The following MICAL3 variants were observed in gnomAD, a reference collection of about 807,000 sequenced individuals.
MICAL3 encodes microtubule associated monooxygenase, calponin and LIM domain containing 3.
A neutral mutation model predicts 207.4 loss-of-function variants in MICAL3; 62 were observed. The observed-to-expected ratio is 0.30, with a 90% CI of 0.24 to 0.37. The LOEUF (loss-of-function observed/expected upper bound fraction) is 0.37, where lower values mean the gene tolerates loss of function less well. Ranked by LOEUF, MICAL3 falls within the 10% of genes least tolerant of loss-of-function variation. The pLI is 1.00. For synonymous variants in MICAL3, 1,077 were observed against 1,069.3 expected, an observed-to-expected ratio of 1.01 and a Z score of -0.14; for missense variants, 2,368 against 2,635.6, an observed-to-expected ratio of 0.90 and a Z score of 2.22.
chr22:17,870,325 T>G (rs1485162963), intron 17 of MICAL3, among the ~76,000 whole-genome samples: 2 of 152,172 alleles, frequency 1.3e-5, no homozygotes, highest in African/African-American at 4.8e-5. Context: ...GCTCTTGAAC[T>G]TCACAGATTT....
At chr22:17,798,130 C>G (rs1294094937) in intron 29 of MICAL3, among the ~76,000 whole-genome samples, 1 of 152,250 alleles carries the variant, frequency 6.6e-6, no homozygotes, top group Non-Finnish European at 1.5e-5. Flanking sequence ...ACTAGTACCA[C>G]ACACAGAGGT....
At chr22:17,795,019 G>A (rs751886454) in intron 29 of MICAL3, among the ~76,000 whole-genome samples, 2 of 152,348 alleles carry the variant, frequency 1.3e-5, no homozygotes, top group East Asian at 1.9e-4. Flanking sequence ...CTGAGAGGCC[G>A]CTCAGCGGTG....
At chr22:17,969,509 G>C (rs1171118021) in intron 1 of MICAL3, among the ~76,000 whole-genome samples, 1 of 152,152 alleles carries the variant, frequency 6.6e-6, no homozygotes, top group African/African-American at 2.4e-5. Context: ...TTTGTTCTAG[G>C]CAAGACACAT....
intron 1 of MICAL3, among the ~76,000 whole-genome samples, chr22:18,021,761 T>C (rs397152): frequency 0.67 from 101,084 of 151,970 alleles, 34,668 homozygotes; most frequent in African/African-American, 0.84. Flanking sequence ...AGACCCTTCC[T>C]GGCCACTCCC....
intron 1 of MICAL3, among the ~76,000 whole-genome samples, chr22:17,919,061 T>G (rs1186382038): frequency 1.3e-5 from 2 of 149,040 alleles, no homozygotes; most frequent in Non-Finnish European, 3.0e-5. Context: ...CTCCAAATGT[T>G]TTTGGTTTTT....
chr22:18,018,929 C>T (rs965714930), intron 1 of MICAL3, among the ~76,000 whole-genome samples: 5 of 152,204 alleles, frequency 3.3e-5, no homozygotes, highest in South Asian at 2.1e-4. Context: ...CAGTGGCTCA[C>T]GCCTATAATA....
chr22:17,928,472 C>G (rs561360776), intron 1 of MICAL3, among the ~76,000 whole-genome samples: 62 of 150,444 alleles, frequency 4.1e-4, no homozygotes, highest in Non-Finnish European at 7.7e-4. Flanking sequence ...AAGAAAGAAA[C>G]ACCTGTCTGC....
At chr22:17,816,448 C>A (rs1050120476) in intron 27 of MICAL3, among the ~76,000 whole-genome samples, 11 of 152,376 alleles carry the variant, frequency 7.2e-5, no homozygotes, top group African/African-American at 2.6e-4. Context: ...TGGCTCCAGT[C>A]TTTTCTTCTT....
chr22:17,908,519 G>C (rs377646383), intron 1 of MICAL3, among the ~76,000 whole-genome samples: 11 of 152,234 alleles, frequency 7.2e-5, no homozygotes, highest in Middle Eastern at 3.4e-3. Context: ...GTGTTAGCCA[G>C]GATGGTCTCA....
At chr22:17,877,302 G>A (rs796620408) in intron 16 of MICAL3, among the ~76,000 whole-genome samples, 87 of 106,950 alleles carry the variant, frequency 8.1e-4, no homozygotes, top group Non-Finnish European at 1.0e-3. Context: ...GGTTAGGGAG[G>A]TTATGGAGGT....
chr22:17,977,878 C>T (rs1032137238), intron 1 of MICAL3, among the ~76,000 whole-genome samples: 2 of 151,928 alleles, frequency 1.3e-5, no homozygotes, highest in Non-Finnish European at 2.9e-5. Context: ...CAAAATTAGC[C>T]AGGCATGGTG....
chr22:17,884,241 A>AGGAGAC, intron 16 of MICAL3: 2 of 1,498,368 alleles, frequency 1.3e-6, no homozygotes, highest in Non-Finnish European at 1.8e-6. Flanking sequence ...GCCTGGAGAG[A>AGGAGAC]CAGCACCCAT....
At position 17,897,787 on chromosome 22, in the gene MICAL3, T is replaced by C. The variant is rs1277657558; in HGVS notation, c.949-806A>G. Among the ~76,000 whole-genome samples the C allele has an allele frequency of 3.9e-5, 6 of 152,242 alleles. No individual in the cohort carries two copies. In the East Asian group the frequency reaches 5.8e-4, roughly 15 times the overall value. On this transcript the variant is annotated intron_variant, in intron 7 of 31. Coordinates refer to ENST00000441493, the MANE Select transcript of MICAL3 (RefSeq NM_015241.3). ...GTCCAGGAGGCTGGGAAGGAATATGTTGAAAATGGAGCAGAGGTTTTCAAA... is the reference window on the plus strand; with the variant it reads ...GTCCAGGAGGCTGGGAAGGAATATGCTGAAAATGGAGCAGAGGTTTTCAAA...
Position 17,902,793 on chromosome 22 carries a change from G to A in MICAL3, c.473-46C>T, listed in dbSNP as rs1485161577. 8.1e-7 allele frequency: 1 copy of A among 1,241,012 alleles called. No individual in the cohort carries two copies. Among genetic ancestry groups the A allele is most frequent in the Non-Finnish European group, 1.2e-6 (1 of 865,352 alleles). The allele number at this position is 1,241,012 out of a possible 1,614,324, so 76.9% of individuals were successfully genotyped here. A position where few individuals can be genotyped will look rare whatever the true frequency, so the allele number is the denominator to read the frequency against. Reference sequence around the variant, plus strand: ...CGTTGATGGGAACACATGGAGAAGGGGGTACCCATCCGTGTCGCAGCTCAG... The same window carrying A: ...CGTTGATGGGAACACATGGAGAAGGAGGTACCCATCCGTGTCGCAGCTCAG... On this transcript the variant is annotated intron_variant, in intron 3 of 31. Transcript: ENST00000441493. This position sits in a 1 kb window ranked among gnomAD's most constrained non-coding sequence, Gnocchi z 4.5.
intron 1 of MICAL3, chr22:18,006,572 G>C (rs1362044357): frequency 6.6e-6 from 1 of 152,216 alleles, no homozygotes; most frequent in African/African-American, 2.4e-5. Flanking sequence ...GGTGGCTCAT[G>C]CCTCTAATCT....
At chr22:17,835,849 G>A (rs899531503) in intron 20 of MICAL3, among the ~76,000 whole-genome samples, 1 of 152,228 alleles carries the variant, frequency 6.6e-6, no homozygotes, top group Non-Finnish European at 1.5e-5. Context: ...CAGGTGCCGG[G>A]TCACCACTGT....
Position 17,889,239 on chromosome 22 carries a change from C to A in MICAL3, c.1695-9G>T. On this transcript the variant is annotated splice_polypyrimidine_tract_variant and intron_variant, in intron 12 of 31. Transcript: ENST00000441493. ...CCAAAGAATCAAAATCTCTGAGAAA[C>A]AGGACAAGGAAAACATATCAAGATA... 1.2e-6 allele frequency: 2 copies of A among 1,603,362 alleles called. No homozygotes were observed. The highest frequency in any genetic ancestry group is 1.7e-6 in the Non-Finnish European group (2 of 1,170,750).
At chr22:17,822,916 C>CA in intron 23 of MICAL3, 31 bp downstream of exon 23, 1 of 1,454,174 alleles carries the variant, frequency 6.9e-7, no homozygotes, top group Middle Eastern at 1.7e-4. Context: ...CCTGAGCTCC[C>CA]ACCACAGGGG....
At chr22:17,864,818 G>A in intron 19 of MICAL3, 81 bp downstream of exon 19, 1 of 1,613,948 alleles carries the variant, frequency 6.2e-7, no homozygotes, top group Non-Finnish European at 8.5e-7. Context: ...TTGCTTTGGA[G>A]GTGCTGGCTC....
Sources: gnomAD v4.1 joint callset for allele counts (sites outside exome capture counted in the v4.1 genomes callset) on GRCh38, gnomAD v4.1.1 for gene constraint, Gnocchi (gnomAD v3.1) non-coding constraint, MANE v1.5 for transcripts, NCBI Gene and HGNC (gene_info 2026-07-23, HGNC 2026-07-21) for gene names.